Variants in WDR70 observed in about 807,000 individuals in gnomAD.
The protein encoded by WDR70 is WD repeat-containing protein 70.
In WDR70, 53 loss-of-function variants were observed where a neutral mutation model predicts 88.6. That is an observed-to-expected ratio of 0.60 (90% CI 0.48 to 0.75). WDR70 has a LOEUF of 0.75. Among genes scored for constraint, WDR70 ranks in the 30% least tolerant of loss-of-function variants. WDR70 has a pLI of 0.00. For missense variants in WDR70, 610 were observed against 823.2 expected (o/e 0.74, Z 3.17); for synonymous variants, 280 against 270.0 (o/e 1.04, Z -0.36).
chr5:37,501,120 ATTTG>A (rs1740394977), intron 8 of WDR70, among the ~76,000 whole-genome samples: 1 of 149,788 alleles, frequency 6.7e-6, no homozygotes, highest in South Asian at 2.1e-4. Context: ...TTTCTTGCTG[ATTTG>A]TTTGAGTTCC....
intron 9 of WDR70, among the ~76,000 whole-genome samples, chr5:37,538,341 A>T (rs1047644092): frequency 1.3e-5 from 2 of 152,220 alleles, no homozygotes; most frequent in South Asian, 4.1e-4. Context: ...CTCTTGTATT[A>T]TCACAGCGTT....
At chr5:37,527,935 T>C (rs549016117) in intron 9 of WDR70, among the ~76,000 whole-genome samples, 1 of 152,234 alleles carries the variant, frequency 6.6e-6, no homozygotes, top group Admixed American at 6.5e-5. Context: ...TGAGATACCA[T>C]CTCTCACCAG....
intron 5 of WDR70, among the ~76,000 whole-genome samples, chr5:37,426,373 C>G (rs1561847795): frequency 6.6e-6 from 1 of 152,154 alleles, no homozygotes; most frequent in Non-Finnish European, 1.5e-5. Flanking sequence ...ATCAAAACAT[C>G]TTTACTGTTT....
intron 10 of WDR70, among the ~76,000 whole-genome samples, chr5:37,670,513 C>T (rs1201574306): frequency 6.6e-6 from 1 of 152,112 alleles, no homozygotes; most frequent in East Asian, 1.9e-4. Flanking sequence ...AAGGGGTGTG[C>T]CACATTTTCA....
chr5:37,499,590 TCTCTCTCTCTC>T lies in WDR70; in HGVS notation c.841-16923_841-16913del, dbSNP rs751965934. On this transcript the variant is annotated intron_variant, in intron 8 of 17. Transcript: ENST00000265107. ...TTAAATATGTGATTTGGAAATATTC[TCTCTCTCTCTC>T]TCTCTCTCTCTCTCTCTCTCTCTCT... 8.1e-3 allele frequency among the ~76,000 whole-genome samples: 1,089 copies of T among 134,380 alleles called. 31 individuals are homozygous for T. Among genetic ancestry groups the T allele is most frequent in the South Asian group, 0.022 (82 of 3,794 alleles). 88.2% of individuals were successfully genotyped at this position (134,380 alleles called of 152,430 possible). A position where few individuals can be genotyped will look rare whatever the true frequency, so the allele number is the denominator to read the frequency against.
chr5:37,649,729 ACTT>A (rs202030100), intron 10 of WDR70, among the ~76,000 whole-genome samples: 1 of 80,330 alleles, frequency 1.2e-5, no homozygotes, highest in South Asian at 4.3e-4. Context: ...CGATGTTATT[ACTT>A]CTTTTTTTTT....
At chr5:37,608,409 TTTC>T (rs1203855268) in intron 10 of WDR70, among the ~76,000 whole-genome samples, 2 of 152,066 alleles carry the variant, frequency 1.3e-5, no homozygotes, top group Non-Finnish European at 2.9e-5. Context: ...AGGACTGAAA[TTTC>T]TTCTTCTCAG....
At chr5:37,438,107 AT>A in intron 6 of WDR70, 126 bp downstream of exon 6, 1 of 684,014 alleles carries the variant, frequency 1.5e-6, no homozygotes, top group Middle Eastern at 3.3e-4. Flanking sequence ...AGCTATAGAC[AT>A]TAAGGAAAAA....
At chr5:37,564,943 C>T (rs891242130) in intron 9 of WDR70, among the ~76,000 whole-genome samples, 1 of 151,974 alleles carries the variant, frequency 6.6e-6, no homozygotes, top group African/African-American at 2.4e-5. Flanking sequence ...TCAAAGGCAC[C>T]TTAAGTACAG....
At chr5:37,465,610 A>T (rs1441881394) in intron 7 of WDR70, among the ~76,000 whole-genome samples, 2 of 147,630 alleles carry the variant, frequency 1.4e-5, no homozygotes, top group Admixed American at 6.7e-5. Flanking sequence ...ATAGACATAG[A>T]TTTTATTTTT....
At position 37,752,615 on chromosome 5, in the gene WDR70, T is replaced by G; in HGVS notation, c.*42T>G. 2 of 1,419,152 alleles carry G rather than the reference T, an allele frequency of 1.4e-6. No homozygotes were observed. Among genetic ancestry groups the G allele is most frequent in the Non-Finnish European group, 9.7e-7 (1 of 1,026,142 alleles). The allele number at this position is 1,419,152 out of a possible 1,614,324, so 87.9% of individuals were successfully genotyped here. On this transcript the variant is annotated 3_prime_UTR_variant, in exon 18 of 18. Transcript: ENST00000265107. ...GCTGTTTGCATGAGTGGGAGGGGTA[T>G]GGGACAGGTTTGGGTTTTTTTTTTA...
At chr5:37,459,596 A>AC (rs1314625150) in intron 7 of WDR70, among the ~76,000 whole-genome samples, 1 of 45,846 alleles carries the variant, frequency 2.2e-5, no homozygotes, top group African/African-American at 6.1e-5. Context: ...CTAGAAGAAA[A>AC]CCTAGGCATT....
chr5:37,520,813 A>C (rs1256520813), intron 9 of WDR70, among the ~76,000 whole-genome samples: 1 of 152,262 alleles, frequency 6.6e-6, no homozygotes, highest in African/African-American at 2.4e-5. Flanking sequence ...ATTTAAAGTA[A>C]ATATTGCATT....
intron 10 of WDR70, among the ~76,000 whole-genome samples, chr5:37,646,361 G>A (rs1425764757): frequency 6.6e-6 from 1 of 151,842 alleles, no homozygotes; most frequent in Admixed American, 6.6e-5. Context: ...TGTTATTTTT[G>A]ATGGGCTCAT....
intron 13 of WDR70, among the ~76,000 whole-genome samples, chr5:37,719,348 A>C (rs1747738732): frequency 7.0e-6 from 1 of 142,246 alleles, no homozygotes; most frequent in African/African-American, 2.9e-5. Flanking sequence ...AAGCAACAAC[A>C]ACCCCCCCCC....
At chr5:37,673,474 G>A (rs898990786) in intron 10 of WDR70, among the ~76,000 whole-genome samples, 1 of 151,800 alleles carries the variant, frequency 6.6e-6, no homozygotes, top group Non-Finnish European at 1.5e-5. Context: ...TGAAGAATCA[G>A]CCACTGCTTT....
intron 10 of WDR70, among the ~76,000 whole-genome samples, chr5:37,658,860 T>G (rs1745625945): frequency 6.6e-6 from 1 of 152,222 alleles, no homozygotes; most frequent in South Asian, 2.1e-4. Flanking sequence ...TGTATTATTT[T>G]AATACAAAAT....
intron 13 of WDR70, among the ~76,000 whole-genome samples, chr5:37,718,927 A>G (rs551189514): frequency 1.3e-5 from 2 of 152,178 alleles, no homozygotes; most frequent in Non-Finnish European, 2.9e-5. Flanking sequence ...GTTATATATT[A>G]TATTAAAAGA....
At chr5:37,619,645 C>G (rs1744450424) in intron 10 of WDR70, among the ~76,000 whole-genome samples, 1 of 152,082 alleles carries the variant, frequency 6.6e-6, no homozygotes, top group Non-Finnish European at 1.5e-5. Flanking sequence ...TCTCTTTTAA[C>G]CTACTCTTTG....
Sources: gnomAD v4.1 joint callset for allele counts (sites outside exome capture counted in the v4.1 genomes callset) on GRCh38, gnomAD v4.1.1 for gene constraint, MANE v1.5 for transcripts, NCBI Gene and HGNC (gene_info 2026-07-23, HGNC 2026-07-21) for gene names.